ZNF385D: variants seen among roughly 807,000 people sequenced by gnomAD.
ZNF385D encodes the protein zinc finger protein 659.
In ZNF385D, 15 loss-of-function variants were observed where a neutral mutation model predicts 35.8. That is an observed-to-expected ratio of 0.42 (90% CI 0.28 to 0.64). The LOEUF (loss-of-function observed/expected upper bound fraction) is 0.64. Among genes scored for constraint, ZNF385D ranks in the 30% least tolerant of loss-of-function variants. The pLI is 0.23. For missense variants in ZNF385D, 474 were observed against 494.6 expected (o/e 0.96, Z 0.39); for synonymous variants, 212 against 186.8 (o/e 1.13, Z -1.10).
intron 4 of ZNF385D, among the ~76,000 whole-genome samples, chr3:21,492,595 C>T (rs1705515079): frequency 1.3e-5 from 2 of 151,448 alleles, no homozygotes; most frequent in African/African-American, 4.8e-5. Context: ...CTAGCCTGAC[C>T]AATACGGTGA....
intron 3 of ZNF385D, among the ~76,000 whole-genome samples, chr3:22,123,956 C>CTATATATATA (rs1289766270): frequency 1.2e-5 from 1 of 86,634 alleles, no homozygotes; most frequent in African/African-American, 3.9e-5. Flanking sequence ...CTCTCTCTCT[C>CTATATATATA]TCTCTCTATA....
At chr3:21,882,813 GTT>G (rs975160481) in intron 3 of ZNF385D, among the ~76,000 whole-genome samples, 1 of 151,950 alleles carries the variant, frequency 6.6e-6, no homozygotes, top group African/African-American at 2.4e-5. Context: ...ATTATGTAGA[GTT>G]TTTTTATGAA....
chr3:22,070,438 G>A (rs973625356), intron 3 of ZNF385D, among the ~76,000 whole-genome samples: 1 of 152,096 alleles, frequency 6.6e-6, no homozygotes, highest in African/African-American at 2.4e-5. Flanking sequence ...GGTAGACATT[G>A]CTAATTGTTT....
At chr3:22,204,140 G>A (rs1190231262) in intron 2 of ZNF385D, among the ~76,000 whole-genome samples, 1 of 152,030 alleles carries the variant, frequency 6.6e-6, no homozygotes, top group Non-Finnish European at 1.5e-5. Context: ...TCAGCAGAGA[G>A]AGGAGACTCT....
intron 3 of ZNF385D, among the ~76,000 whole-genome samples, chr3:22,080,046 C>T (rs945703599): frequency 6.6e-6 from 1 of 152,022 alleles, no homozygotes; most frequent in Non-Finnish European, 1.5e-5. Flanking sequence ...AGACTGCCAA[C>T]CTACACCTAT....
chr3:22,202,051 A>AT, intron 2 of ZNF385D, among the ~76,000 whole-genome samples: 1 of 151,994 alleles, frequency 6.6e-6, no homozygotes, highest in East Asian at 1.9e-4. Flanking sequence ...TTTTATTTCT[A>AT]TTTGAGTCAG....
chr3:22,179,111 G>A (rs1358629920), intron 2 of ZNF385D, among the ~76,000 whole-genome samples: 16 of 152,146 alleles, frequency 1.1e-4, no homozygotes, highest in Admixed American at 6.5e-4. Context: ...GTTTTTTCCA[G>A]TTCTGTGAAG....
At chr3:22,235,036 G>A (rs765051522) in intron 2 of ZNF385D, among the ~76,000 whole-genome samples, 1 of 151,992 alleles carries the variant, frequency 6.6e-6, no homozygotes, top group Admixed American at 6.6e-5. Flanking sequence ...GATTTCAAGT[G>A]GAGCCACTAA....
chr3:21,861,583 T>C (rs1697056203), intron 3 of ZNF385D, among the ~76,000 whole-genome samples: 1 of 152,122 alleles, frequency 6.6e-6, no homozygotes, highest in Non-Finnish European at 1.5e-5. Flanking sequence ...ACAGGCAGCA[T>C]TGATTTTCAA....
At chr3:21,641,739 G>A (rs573341560) in intron 2 of ZNF385D, among the ~76,000 whole-genome samples, 7 of 149,892 alleles carry the variant, frequency 4.7e-5, no homozygotes, top group African/African-American at 1.5e-4. Context: ...GCCTCCCAAA[G>A]TGCTGTTGAT....
At chr3:22,261,345 G>A (rs1700621020) in intron 2 of ZNF385D, among the ~76,000 whole-genome samples, 1 of 152,024 alleles carries the variant, frequency 6.6e-6, no homozygotes, top group Non-Finnish European at 1.5e-5. Flanking sequence ...TTAAGTTATG[G>A]TTTTACAATC....
At chr3:22,367,120 TATG>T (rs1443056155) in intron 2 of ZNF385D, among the ~76,000 whole-genome samples, 2 of 152,186 alleles carry the variant, frequency 1.3e-5, no homozygotes, top group Non-Finnish European at 2.9e-5. Context: ...AAAACTAATA[TATG>T]ATGATAATAA....
intron 3 of ZNF385D, among the ~76,000 whole-genome samples, chr3:21,756,334 G>A (rs936178342): frequency 3.9e-5 from 6 of 152,038 alleles, no homozygotes; most frequent in African/African-American, 1.5e-4. Flanking sequence ...CACAATTTGA[G>A]GACTGAGCAA....
Position 21,508,791 on chromosome 3 carries a change from C to G in ZNF385D, c.439+2070G>C, listed in dbSNP as rs200317536. Among the ~76,000 whole-genome samples the G allele has an allele frequency of 3.3e-5, 5 of 152,246 alleles. No individual in the cohort carries two copies. In the East Asian group the frequency reaches 7.7e-4, roughly 24 times the overall value. On this transcript the variant is annotated intron_variant, in intron 4 of 7. Coordinates refer to ENST00000281523, the MANE Select transcript of ZNF385D (RefSeq NM_024697.3). ...ACACTTTGGAATACTGACTTCCATT[C>G]TTTGGAATCTGTGTTTTCTGGGCAG...
chr3:21,768,647 G>C (rs5018366), intron 3 of ZNF385D, among the ~76,000 whole-genome samples: 74,784 of 151,686 alleles, frequency 0.49, 18,963 homozygotes, highest in African/African-American at 0.62. Flanking sequence ...TAGAAAAAAA[G>C]ACTTTGTCTT....
intron 3 of ZNF385D, among the ~76,000 whole-genome samples, chr3:21,527,345 A>T (rs1327058583): frequency 6.6e-6 from 1 of 152,198 alleles, no homozygotes; most frequent in African/African-American, 2.4e-5. Context: ...GAAGTGCTAT[A>T]CCTTCGTACA....
At chr3:22,008,471 A>C (rs1391295728) in intron 3 of ZNF385D, among the ~76,000 whole-genome samples, 1 of 149,802 alleles carries the variant, frequency 6.7e-6, no homozygotes, top group Admixed American at 6.7e-5. Context: ...CTCCTGCCTC[A>C]GCCTCCCGAG....
At chr3:21,997,361 A>AT (rs1234076233) in intron 3 of ZNF385D, among the ~76,000 whole-genome samples, 1 of 151,766 alleles carries the variant, frequency 6.6e-6, no homozygotes. Context: ...TGGTGGGGGG[A>AT]TTGGGGAGGG....
intron 3 of ZNF385D, among the ~76,000 whole-genome samples, chr3:22,030,967 A>C (rs1255089694): frequency 6.6e-6 from 1 of 152,216 alleles, no homozygotes; most frequent in Non-Finnish European, 1.5e-5. Context: ...GGCCCCATGC[A>C]ATTCTGAAAC....
Sources: gnomAD v4.1 joint callset for allele counts (sites outside exome capture counted in the v4.1 genomes callset) on GRCh38, gnomAD v4.1.1 for gene constraint, MANE v1.5 for transcripts, NCBI Gene and HGNC (gene_info 2026-07-23, HGNC 2026-07-21) for gene names.